NLRP2: variants seen among roughly 807,000 people sequenced by gnomAD.
The protein encoded by NLRP2 is NLR family pyrin domain containing 2.
In NLRP2, 107 loss-of-function variants were observed where a neutral mutation model predicts 97.2. The observed-to-expected ratio is 1.10, with a 90% CI of 0.94 to 1.29. The LOEUF (loss-of-function observed/expected upper bound fraction) is 1.29, where lower values mean the gene tolerates loss of function less well. NLRP2 is among the 50% of genes most tolerant of loss of function. NLRP2 has a pLI of 0.00. For synonymous variants in NLRP2, 663 were observed against 551.5 expected (o/e 1.20, Z -2.83); for missense variants, 1,495 against 1,330.3 (o/e 1.12, Z -1.93).
At chr19:55,000,556 G>A (rs1421126523) in intron 12 of NLRP2, among the ~76,000 whole-genome samples, 2 of 149,194 alleles carry the variant, frequency 1.3e-5, no homozygotes, top group East Asian at 4.0e-4. Flanking sequence ...GGGAATTACA[G>A]GCGTGAGCCA....
In NLRP2 at chr19:54,987,478, C is replaced by A. The variant is rs146370467; in HGVS notation, c.2366+1163C>A. On this transcript the variant is annotated intron_variant, in intron 8 of 12. Transcript: ENST00000448584. ...ATTGGCCTCAAATTATTGCCCTGGGCCAGGCGCAGTGGCTCACGCCTGGGA... is the reference window on the plus strand; with the variant it reads ...ATTGGCCTCAAATTATTGCCCTGGGACAGGCGCAGTGGCTCACGCCTGGGA... Among the ~76,000 whole-genome samples the A allele has an allele frequency of 1.4e-3, 213 of 152,240 alleles. 2 individuals carry two copies. Among genetic ancestry groups the A allele is most frequent in the Non-Finnish European group, 1.5e-3 (103 of 68,024 alleles).
chr19:55,001,124 G>C lies in NLRP2; in HGVS notation c.*226G>C. On this transcript the variant is annotated 3_prime_UTR_variant, in exon 13 of 13. Coordinates refer to ENST00000448584, the MANE Select transcript of NLRP2 (RefSeq NM_017852.5). Reference sequence around the variant, plus strand: ...CGGGTATATTGAGAGAAATAAAGGTGAGAGCATTCACAAATGAAGCTGTTA... The same window carrying C: ...CGGGTATATTGAGAGAAATAAAGGTCAGAGCATTCACAAATGAAGCTGTTA... 2.0e-6 allele frequency: 1 copy of C among 506,390 alleles called. No homozygotes were observed. The highest frequency in any genetic ancestry group is 3.6e-6 in the Non-Finnish European group (1 of 281,298). The allele number at this position is 506,390 out of a possible 1,614,324, so 31.4% of individuals were successfully genotyped here. A position where few individuals can be genotyped will look rare whatever the true frequency, so the allele number is the denominator to read the frequency against.
In NLRP2 at chr19:54,988,460, C is replaced by G. The variant is rs531672077; in HGVS notation, c.2367-1562C>G. Among the ~76,000 whole-genome samples the G allele has an allele frequency of 2.6e-4, 40 of 152,044 alleles. No homozygotes were observed. The South Asian group carries it at 8.3e-3, about 32-fold the overall frequency. ...GGCACCCACCTGTATTTTTGTATTT[C>G]TAGTATTTTGTATTTCTAGTAGAGA... On this transcript the variant is annotated intron_variant, in intron 8 of 12. Coordinates refer to ENST00000448584, the MANE Select transcript of NLRP2 (RefSeq NM_017852.5).
At chr19:54,975,058 C>G (rs1040964437) in intron 3 of NLRP2, among the ~76,000 whole-genome samples, 8 of 149,000 alleles carry the variant, frequency 5.4e-5, no homozygotes, top group African/African-American at 2.0e-4. Context: ...ACCTCAGCGT[C>G]CCAAAATGCT....
chr19:54,982,874 C>G lies in NLRP2; in HGVS notation c.1176C>G (p.Phe392Leu), dbSNP rs765949453. The change falls in exon 6 of 13, where the codon TTC becomes TTG. Residue 392 changes from phenylalanine to leucine, a missense_variant. Phe to Leu is a conservative substitution (Grantham distance 22). Coordinates refer to ENST00000448584, the MANE Select transcript of NLRP2 (RefSeq NM_017852.5). ...TAATGAGGAGCAACGCGGCCCTGTTCCAGCTGGGCTCGGCCCCCGCGGTGT... is the reference window on the plus strand; with the variant it reads ...TAATGAGGAGCAACGCGGCCCTGTTGCAGCTGGGCTCGGCCCCCGCGGTGT... Reference protein sequence around the residue: ...FELMRSNAALFQLGSAPAVCW... With the variant: ...FELMRSNAALLQLGSAPAVCW... 4.3e-6 allele frequency: 7 copies of G among 1,613,080 alleles called. No individual in the cohort carries two copies. In the Admixed American group the frequency reaches 5.0e-5, roughly 12 times the overall value.
chr19:54,973,870 C>A, intron 2 of NLRP2: 1 of 651,110 alleles, frequency 1.5e-6, no homozygotes, highest in Non-Finnish European at 2.9e-6. Context: ...GTGGCAAGCA[C>A]CACCCCCACA....
intron 2 of NLRP2, 31 bp from the exon 3 acceptor site, chr19:54,974,469 T>C: frequency 1.3e-6 from 2 of 1,591,598 alleles, no homozygotes; most frequent in Non-Finnish European, 1.7e-6. Flanking sequence ...TATGGTAAAA[T>C]GCAAAATTTT....
At chr19:54,985,348 T>A in intron 7 of NLRP2, 131 bp downstream of exon 7, 1 of 847,580 alleles carries the variant, frequency 1.2e-6, no homozygotes, top group South Asian at 1.5e-5. Flanking sequence ...GAGAGAGTCC[T>A]GTCCTTAAAT....
chr19:54,978,673 C>T (rs2071394408), intron 4 of NLRP2, among the ~76,000 whole-genome samples: 1 of 151,512 alleles, frequency 6.6e-6, no homozygotes, highest in African/African-American at 2.4e-5. Flanking sequence ...CATGGTGAAA[C>T]CCAACTCTAC....
At chr19:54,989,920 G>A (rs2146498602) in intron 8 of NLRP2, 102 bp from the exon 9 acceptor site, 1 of 1,248,214 alleles carries the variant, frequency 8.0e-7, no homozygotes, top group East Asian at 2.3e-5. Flanking sequence ...GAACCCAGGA[G>A]GCGGAGGTTG....
rs34168825 is a variant in NLRP2 at position 54,995,187 on chromosome 19, C to CTTT, written c.2879+768_2879+770dup. Among the ~76,000 whole-genome samples the CTTT allele has an allele frequency of 4.7e-3, 409 of 87,174 alleles. 8 individuals are homozygous for CTTT. Among genetic ancestry groups the CTTT allele is most frequent in the African/African-American group, 0.014 (308 of 22,454 alleles). 57.2% of individuals were successfully genotyped at this position (87,174 alleles called of 152,430 possible). A position where few individuals can be genotyped will look rare whatever the true frequency, so the allele number is the denominator to read the frequency against. On this transcript the variant is annotated intron_variant, in intron 11 of 12. Transcript: ENST00000448584. ...TAGCCGAGCATAGTAGTGGGTGCCTCTTTTTTTTTTTTTTTTTTTTTTGAG... is the reference window on the plus strand; with the variant it reads ...TAGCCGAGCATAGTAGTGGGTGCCTCTTTTTTTTTTTTTTTTTTTTTTTTTGAG...
intron 12 of NLRP2, among the ~76,000 whole-genome samples, chr19:54,999,451 TCTC>T (rs2073059918): frequency 6.6e-6 from 1 of 152,122 alleles, no homozygotes; most frequent in African/African-American, 2.4e-5. Flanking sequence ...CTGGCCTGCA[TCTC>T]CTCTGTTTAA....
intron 10 of NLRP2, 126 bp downstream of exon 10, chr19:54,990,798 A>T: frequency 1.1e-6 from 1 of 951,842 alleles, no homozygotes; most frequent in Admixed American, 2.0e-5. Flanking sequence ...TGCTAATGAC[A>T]ACTGGTAAGA....
chr19:54,989,187 ACCT>A (rs936897971), intron 8 of NLRP2, among the ~76,000 whole-genome samples: 2 of 147,516 alleles, frequency 1.4e-5, no homozygotes, highest in African/African-American at 5.0e-5. Flanking sequence ...CAAACTCCTG[ACCT>A]CCTGATCTGC....
intron 1 of NLRP2, among the ~76,000 whole-genome samples, chr19:54,967,693 G>GGA (rs1234382268): frequency 1.3e-5 from 2 of 151,926 alleles, no homozygotes; most frequent in African/African-American, 4.8e-5. Flanking sequence ...TGCTGTGTGT[G>GGA]GAGTCCTGGG....
chr19:54,985,996 C>T (rs143290712), intron 7 of NLRP2, among the ~76,000 whole-genome samples, 155 bp from the exon 8 acceptor site: 3,079 of 151,694 alleles, frequency 0.02, 34 homozygotes, highest in Non-Finnish European at 0.029. Flanking sequence ...AGTGAGACTC[C>T]ATCTCAAAGA....
At chr19:54,978,988 G>T (rs1276615993) in intron 4 of NLRP2, among the ~76,000 whole-genome samples, 1 of 151,080 alleles carries the variant, frequency 6.6e-6, no homozygotes, top group Non-Finnish European at 1.5e-5. Flanking sequence ...GGTTTTTTCT[G>T]TTTTTTTTGT....
At chr19:54,966,362 G>T (rs1291279748), upstream of NLRP2, 1 of 151,484 alleles carries the variant, frequency 6.6e-6, no homozygotes, top group Non-Finnish European at 1.5e-5. Flanking sequence ...CAACGATTAC[G>T]CCCCGAGGGC....
intron 2 of NLRP2, among the ~76,000 whole-genome samples, chr19:54,973,344 GTTTT>G (rs10673643): frequency 1.1e-5 from 1 of 92,554 alleles, no homozygotes; most frequent in Non-Finnish European, 2.0e-5. Flanking sequence ...ATGGGTGAGG[GTTTT>G]TTTTTTTTTT....
Sources: allele counts gnomAD v4.1 joint callset (sites outside exome capture counted in the v4.1 genomes callset), GRCh38; gene constraint gnomAD v4.1.1; transcripts MANE v1.5; gene names NCBI Gene and HGNC (gene_info 2026-07-23, HGNC 2026-07-21).